The following AK5 variants were observed in gnomAD, a reference collection of about 807,000 sequenced individuals.
The protein encoded by AK5 is adenylate kinase isoenzyme 5.
In AK5, 27 loss-of-function variants were observed where a neutral mutation model predicts 69.5. The observed-to-expected ratio is 0.39, with a 90% CI of 0.29 to 0.54. The LOEUF is 0.54. Among genes scored for constraint, AK5 ranks in the 20% least tolerant of loss-of-function variants. The pLI, the probability that AK5 is intolerant of heterozygous loss-of-function variation, is 0.71. For missense variants in AK5, 531 were observed against 700.4 expected (o/e 0.76, Z 2.73); for synonymous variants, 260 against 244.4 (o/e 1.06, Z -0.60).
intron 5 of AK5, among the ~76,000 whole-genome samples, chr1:77,327,928 G>A (rs1412063806): frequency 6.6e-6 from 1 of 152,002 alleles, no homozygotes. Context: ...CACTCTAAAG[G>A]ACAAAATAAA....
chr1:77,294,635 A>G (rs1034086160), intron 3 of AK5, among the ~76,000 whole-genome samples: 6 of 152,182 alleles, frequency 3.9e-5, no homozygotes, highest in African/African-American at 1.4e-4. Context: ...CATAGCACAT[A>G]ACATCTGAGT....
intron 6 of AK5, among the ~76,000 whole-genome samples, chr1:77,396,360 G>A (rs1326552277): frequency 6.6e-6 from 1 of 152,034 alleles, no homozygotes; most frequent in Non-Finnish European, 1.5e-5. Context: ...CTAAAACTTG[G>A]GGAAAAATTG....
intron 6 of AK5, among the ~76,000 whole-genome samples, chr1:77,393,092 G>A (rs1046428407): frequency 4.5e-4 from 69 of 151,886 alleles, no homozygotes; most frequent in African/African-American, 1.5e-3. Flanking sequence ...CCCACCACAC[G>A]CAGCTACTTA....
intron 13 of AK5, among the ~76,000 whole-genome samples, chr1:77,541,180 T>G (rs1557663998): frequency 1.3e-5 from 2 of 152,194 alleles, no homozygotes; most frequent in Non-Finnish European, 2.9e-5. Context: ...GTGCTGGGAT[T>G]ACAGGCGTGA....
chr1:77,498,595 T>C (rs1471954941), intron 10 of AK5, among the ~76,000 whole-genome samples: 1 of 152,164 alleles, frequency 6.6e-6, no homozygotes, highest in African/African-American at 2.4e-5. Flanking sequence ...AAGTATTGAT[T>C]GTGTCTAGGT....
At chr1:77,515,322 G>A (rs1474735046) in intron 10 of AK5, among the ~76,000 whole-genome samples, 1 of 152,140 alleles carries the variant, frequency 6.6e-6, no homozygotes, top group Non-Finnish European at 1.5e-5. Flanking sequence ...CTATTAGAAA[G>A]GGTCAACAAC....
chr1:77,481,503 T>C (rs12404342), intron 8 of AK5, among the ~76,000 whole-genome samples: 16,964 of 152,258 alleles, frequency 0.11, 1,081 homozygotes, highest in South Asian at 0.15. Flanking sequence ...CAGGCAACTC[T>C]AAGAAGATGA....
At chr1:77,429,797 A>G (rs1201662300) in intron 8 of AK5, among the ~76,000 whole-genome samples, 1 of 152,190 alleles carries the variant, frequency 6.6e-6, no homozygotes, top group Non-Finnish European at 1.5e-5. Flanking sequence ...AAGATTGGTC[A>G]TAGGTAACCA....
intron 6 of AK5, among the ~76,000 whole-genome samples, chr1:77,362,093 T>G (rs1175044231): frequency 6.6e-6 from 1 of 152,198 alleles, no homozygotes; most frequent in Non-Finnish European, 1.5e-5. Flanking sequence ...AATACACATA[T>G]GGTGCTTAGA....
intron 5 of AK5, among the ~76,000 whole-genome samples, chr1:77,302,618 TG>T (rs1659405705): frequency 6.6e-6 from 1 of 152,108 alleles, no homozygotes; most frequent in South Asian, 2.1e-4. Flanking sequence ...GGTGGGTAAA[TG>T]GGAATTCTTT....
At chr1:77,333,706 A>G (rs1162952254) in intron 5 of AK5, among the ~76,000 whole-genome samples, 5 of 152,164 alleles carry the variant, frequency 3.3e-5, no homozygotes, top group Non-Finnish European at 7.3e-5. Context: ...TATTTTGCTT[A>G]TTGTCTGTGC....
chr1:77,391,495 G>GTATGTGTATATATATATATATATA (rs1553144161), intron 6 of AK5, among the ~76,000 whole-genome samples: 2 of 63,414 alleles, frequency 3.2e-5, no homozygotes, highest in African/African-American at 1.1e-4. Flanking sequence ...GTGTGTGTGT[G>GTATGTGTATATATATATATATATA]TATATATATA....
intron 8 of AK5, among the ~76,000 whole-genome samples, chr1:77,472,693 G>A (rs575901251): frequency 2.0e-4 from 26 of 129,690 alleles, no homozygotes; most frequent in South Asian, 5.6e-4. Context: ...GAACAGCCTG[G>A]ACAACATGGT....
At chr1:77,425,854 T>A (rs921386349) in intron 8 of AK5, among the ~76,000 whole-genome samples, 1 of 152,208 alleles carries the variant, frequency 6.6e-6, no homozygotes, top group Non-Finnish European at 1.5e-5. Context: ...GAATGTTTTG[T>A]TATTACAAGG....
intron 5 of AK5, among the ~76,000 whole-genome samples, chr1:77,298,653 C>CA (rs1265297684): frequency 0.018 from 2,569 of 146,172 alleles, 69 homozygotes; most frequent in African/African-American, 0.059. Flanking sequence ...AAAAAAAAAA[C>CA]CACACACACA....
intron 6 of AK5, among the ~76,000 whole-genome samples, chr1:77,392,661 C>T (rs981317656): frequency 1.3e-5 from 2 of 152,124 alleles, no homozygotes; most frequent in Admixed American, 6.5e-5. Flanking sequence ...AATCCAAATC[C>T]GCACATTCAT....
chr1:77,351,827 T>A (rs1226793463), intron 6 of AK5, among the ~76,000 whole-genome samples: 1 of 152,022 alleles, frequency 6.6e-6, no homozygotes, highest in Admixed American at 6.6e-5. Context: ...AGAAAGGAGC[T>A]GGAATAAATG....
intron 10 of AK5, among the ~76,000 whole-genome samples, chr1:77,499,782 C>T (rs1222494558): frequency 6.7e-6 from 1 of 148,598 alleles, no homozygotes; most frequent in South Asian, 2.2e-4. Flanking sequence ...CTTCAGAGGA[C>T]GATTTGCTAG....
At chr1:77,419,433 A>T (rs955952205) in intron 8 of AK5, among the ~76,000 whole-genome samples, 4 of 152,352 alleles carry the variant, frequency 2.6e-5, no homozygotes, top group African/African-American at 9.6e-5. Flanking sequence ...GAAAGAAATC[A>T]TAATATAAGG....
Sources: allele counts gnomAD v4.1 joint callset (sites outside exome capture counted in the v4.1 genomes callset), GRCh38; gene constraint gnomAD v4.1.1; transcripts MANE v1.5; gene names NCBI Gene and HGNC (gene_info 2026-07-23, HGNC 2026-07-21).